Variants in PCDHA1 observed in about 807,000 individuals in gnomAD.
PCDHA1 encodes protocadherin alpha-1.
In PCDHA1, 42 loss-of-function variants were observed where a neutral mutation model predicts 61.3. That is an observed-to-expected ratio of 0.69 (90% CI 0.54 to 0.89). The LOEUF (loss-of-function observed/expected upper bound fraction) is 0.89, where lower values mean the gene tolerates loss of function less well. Ranked by LOEUF, PCDHA1 falls within the 40% of genes least tolerant of loss-of-function variation. The pLI is 0.00. For synonymous variants in PCDHA1, 610 were observed against 553.8 expected (o/e 1.10, Z -1.43); for missense variants, 1,256 against 1,235.3 (o/e 1.02, Z -0.25).
chr5:140,793,518 G>A (rs1554118951), intron 1 of PCDHA1, among the ~76,000 whole-genome samples: 1 of 152,188 alleles, frequency 6.6e-6, no homozygotes, highest in East Asian at 1.9e-4. Context: ...CAAGAGCTTT[G>A]CTTTTCTCTT....
chr5:140,801,320 T>G lies in PCDHA1; in HGVS notation c.2394+12636T>G, dbSNP rs200755369. 4.3e-6 allele frequency: 7 copies of G among 1,613,216 alleles called. No homozygotes were observed. In the African/African-American group the frequency reaches 9.3e-5, roughly 22 times the overall value. On this transcript the variant is annotated intron_variant, in intron 1 of 3. Transcript: ENST00000504120. ...ACTCCGTCTCTGAGGAGGCCAAGCA[T>G]GGCACCTTCGTGGGCCGCATCGCGC...
intron 1 of PCDHA1, among the ~76,000 whole-genome samples, chr5:140,918,211 C>T (rs1554198470): frequency 6.6e-6 from 1 of 152,046 alleles, no homozygotes; most frequent in African/African-American, 2.4e-5. Context: ...TGTTGGTGTA[C>T]AGAAATGCTG....
chr5:140,803,607 T>C (rs201656415), intron 1 of PCDHA1: 1 of 1,614,172 alleles, frequency 6.2e-7, no homozygotes, highest in Non-Finnish European at 8.5e-7. Flanking sequence ...TAATTTTTAT[T>C]TATTCTTTCC....
chr5:140,823,460 C>T lies in PCDHA1; in HGVS notation c.2394+34776C>T, dbSNP rs2150125979. 19 of 1,613,290 alleles carry T rather than the reference C, an allele frequency of 1.2e-5. No homozygotes were observed. The highest frequency in any genetic ancestry group is 6.7e-5 in the Admixed American group (4 of 59,980). ...GTGCTGGACGAGAACGACAACGCGC[C>T]GGCGCTGCTGGTGCCTCGAGTGGGT... On this transcript the variant is annotated intron_variant, in intron 1 of 3. Coordinates refer to ENST00000504120, the MANE Select transcript of PCDHA1 (RefSeq NM_018900.4).
Position 140,985,739 on chromosome 5 carries a change from C to CTT in PCDHA1, c.2542+3195_2542+3196dup, listed in dbSNP as rs11372071. 6.5e-3 allele frequency among the ~76,000 whole-genome samples: 761 copies of CTT among 117,902 alleles called. 21 individuals carry two copies. The highest frequency in any genetic ancestry group is 0.054 in the East Asian group (218 of 4,012). The allele number at this position is 117,902 out of a possible 152,430, so 77.3% of individuals were successfully genotyped here. On this transcript the variant is annotated intron_variant, in intron 3 of 3. Transcript: ENST00000504120. ...TTATTTTTCCTTCACTGATGAATTC[C>CTT]TTTTTTTTTTTTTTTTTTTTGAGAC...
At chr5:140,972,740 T>G (rs2096553417) in intron 1 of PCDHA1, among the ~76,000 whole-genome samples, 1 of 149,910 alleles carries the variant, frequency 6.7e-6, no homozygotes, top group Admixed American at 6.8e-5. Flanking sequence ...CCCGGCTCAC[T>G]GCAACCTCCG....
At chr5:140,983,992 C>A (rs2097080247) in intron 3 of PCDHA1, among the ~76,000 whole-genome samples, 1 of 152,200 alleles carries the variant, frequency 6.6e-6, no homozygotes, top group Non-Finnish European at 1.5e-5. Flanking sequence ...TGAAGCAATT[C>A]ATTAGAGAGC....
chr5:140,850,541 G>T lies in PCDHA1; in HGVS notation c.2394+61857G>T. 3 of 1,598,386 alleles carry T rather than the reference G, an allele frequency of 1.9e-6. No individual in the cohort carries two copies. Among genetic ancestry groups the T allele is most frequent in the Non-Finnish European group, 2.6e-6 (3 of 1,167,870 alleles). ...AGGCGCCAAAGTCATCGTCGCGGGC[G>T]TCAGTGGGTGCCACGGGCCCCGAGG... On this transcript the variant is annotated intron_variant, in intron 1 of 3. Transcript: ENST00000504120.
chr5:140,851,338 A>T (rs554817085), intron 1 of PCDHA1: 3 of 978,674 alleles, frequency 3.1e-6, no homozygotes, highest in East Asian at 9.3e-5. Flanking sequence ...AGTTCTCTAC[A>T]TTTCTCTGGA....
chr5:140,916,161 GC>G (rs2077457967), intron 1 of PCDHA1, among the ~76,000 whole-genome samples: 1 of 152,084 alleles, frequency 6.6e-6, no homozygotes, highest in African/African-American at 2.4e-5. Flanking sequence ...GGTGAATGCT[GC>G]CAGGCCTGGG....
At chr5:140,914,695 A>T (rs970720014) in intron 1 of PCDHA1, among the ~76,000 whole-genome samples, 1 of 151,978 alleles carries the variant, frequency 6.6e-6, no homozygotes, top group African/African-American at 2.4e-5. Context: ...CTCTGGTGGT[A>T]TGATTTAATT....
In PCDHA1 at chr5:140,794,222, G is replaced by C. The variant is rs1761842458; in HGVS notation, c.2394+5538G>C. On this transcript the variant is annotated intron_variant, in intron 1 of 3. Coordinates refer to ENST00000504120, the MANE Select transcript of PCDHA1 (RefSeq NM_018900.4). ...AAGTCCTGTCACATGTTACAATATG[G>C]ATGAACCTTGAGGAACCATCCACGG... Among the ~76,000 whole-genome samples, 2 of 152,174 alleles carry C rather than the reference G, an allele frequency of 1.3e-5. 1 individual carries two copies. Among genetic ancestry groups the C allele is most frequent in the Admixed American group, 1.3e-4 (2 of 15,276 alleles).
chr5:140,903,760 C>T (rs1252310927), intron 1 of PCDHA1, among the ~76,000 whole-genome samples: 2 of 152,108 alleles, frequency 1.3e-5, no homozygotes, highest in Non-Finnish European at 2.9e-5. Flanking sequence ...TTGATTTTTG[C>T]TGAACTTTTC....
intron 1 of PCDHA1, chr5:140,861,034 G>A (rs1262696550): frequency 1.3e-5 from 2 of 152,270 alleles, no homozygotes; most frequent in Admixed American, 6.5e-5. Context: ...CGGCCGAAAG[G>A]TATTTTTTTT....
At chr5:140,797,135 C>G in intron 1 of PCDHA1, 1 of 1,613,992 alleles carries the variant, frequency 6.2e-7, no homozygotes, top group Non-Finnish European at 8.5e-7. Context: ...CTGCGGTGCT[C>G]GGTGCCACCC....
intron 1 of PCDHA1, among the ~76,000 whole-genome samples, chr5:140,874,303 C>T (rs1299985366): frequency 6.6e-6 from 1 of 152,088 alleles, no homozygotes. Flanking sequence ...TACTTGTTCA[C>T]AATGAGTTGT....
intron 1 of PCDHA1, chr5:140,842,158 T>C: frequency 3.1e-6 from 5 of 1,613,882 alleles, no homozygotes; most frequent in Non-Finnish European, 4.2e-6. Flanking sequence ...CAATTTCATA[T>C]TCTTTTAATA....
intron 1 of PCDHA1, chr5:140,804,036 T>G (rs1554123025): frequency 5.5e-6 from 1 of 181,138 alleles, no homozygotes; most frequent in East Asian, 1.6e-4. Flanking sequence ...CACCTAATGC[T>G]TATAACTCCC....
intron 1 of PCDHA1, chr5:140,797,590 A>G (rs2149929082): frequency 1.7e-6 from 1 of 574,776 alleles, no homozygotes; most frequent in Non-Finnish European, 3.0e-6. Flanking sequence ...AGTCATAAGT[A>G]ATAGACCATG....
Sources: gnomAD v4.1 joint callset for allele counts (sites outside exome capture counted in the v4.1 genomes callset) on GRCh38, gnomAD v4.1.1 for gene constraint, MANE v1.5 for transcripts, NCBI Gene and HGNC (gene_info 2026-07-23, HGNC 2026-07-21) for gene names.